The following HPSE2 variants were observed in gnomAD, a reference collection of about 807,000 sequenced individuals.
HPSE2 encodes the protein heparanase 2 (inactive), also known as inactive heparanase-2.
HPSE2 carries 38 observed loss-of-function variants against 60.5 expected under a neutral mutation model. The ratio of observed to expected loss-of-function variants is 0.63; its 90% CI spans 0.48 to 0.82. The LOEUF (loss-of-function observed/expected upper bound fraction) is 0.82. HPSE2 is among the 40% of genes least tolerant of loss of function. The pLI is 0.00. For synonymous variants in HPSE2, 295 were observed against 293.2 expected (o/e 1.01, Z -0.06); for missense variants, 713 against 740.4 (o/e 0.96, Z 0.43).
At chr10:99,011,287 A>G (rs545765014) in intron 3 of HPSE2, among the ~76,000 whole-genome samples, 1 of 152,324 alleles carries the variant, frequency 6.6e-6, no homozygotes, top group Admixed American at 6.5e-5. Flanking sequence ...ATCTAGATTT[A>G]GATATTGAGT....
intron 5 of HPSE2, among the ~76,000 whole-genome samples, chr10:98,704,978 C>G (rs534468926): frequency 1.3e-5 from 2 of 152,200 alleles, no homozygotes; most frequent in African/African-American, 4.8e-5. Flanking sequence ...AGGCAACATA[C>G]AGAATGGGAG....
upstream of HPSE2, chr10:99,235,954 GCTCT>G (rs959700530): frequency 1.1e-3 from 597 of 542,178 alleles, 2 homozygotes; most frequent in African/African-American, 1.9e-3. Flanking sequence ...TCTCTCTCCC[GCTCT>G]CTCTCTCTCT....
chr10:99,259,304 C>G, the HPSE2 span, among the ~76,000 whole-genome samples: 1,670 of 67,616 alleles, frequency 0.025, 24 homozygotes, highest in Non-Finnish European at 0.043. Context: ...AAAACCCCCC[C>G]CACCAAAAAA....
At chr10:98,500,503 C>A (rs1301740158) in intron 9 of HPSE2, among the ~76,000 whole-genome samples, 2 of 152,008 alleles carry the variant, frequency 1.3e-5, no homozygotes, top group African/African-American at 4.8e-5. Context: ...ACCTGTCAAA[C>A]CCTCTGGGAT....
At chr10:98,608,866 C>T (rs1282158828) in intron 9 of HPSE2, among the ~76,000 whole-genome samples, 2 of 152,246 alleles carry the variant, frequency 1.3e-5, no homozygotes, top group African/African-American at 2.4e-5. Flanking sequence ...AGGTCACAGG[C>T]TGGTTTGGCT....
chr10:99,116,899 A>G (rs1844715040), intron 3 of HPSE2, among the ~76,000 whole-genome samples: 1 of 152,072 alleles, frequency 6.6e-6, no homozygotes, highest in Non-Finnish European at 1.5e-5. Context: ...ATACCCCCAA[A>G]TATCACCAAA....
At chr10:98,859,273 C>T (rs1952395581) in intron 3 of HPSE2, among the ~76,000 whole-genome samples, 1 of 152,154 alleles carries the variant, frequency 6.6e-6, no homozygotes. Flanking sequence ...TATACACACA[C>T]ATATACACTA....
intron 3 of HPSE2, among the ~76,000 whole-genome samples, chr10:98,899,940 C>T (rs929938199): frequency 1.6e-4 from 24 of 151,910 alleles, no homozygotes; most frequent in African/African-American, 3.1e-4. Flanking sequence ...TGCATCACCA[C>T]GCCCAGCTAA....
intron 3 of HPSE2, among the ~76,000 whole-genome samples, chr10:99,072,927 C>CAAAAAAAAAAAAAAA (rs770699941): frequency 4.5e-5 from 4 of 88,058 alleles, no homozygotes; most frequent in African/African-American, 1.3e-4. Context: ...GGCTCCGTCT[C>CAAAAAAAAAAAAAAA]AAAAAAAAAA....
At chr10:98,949,806 A>C (rs892202668) in intron 3 of HPSE2, among the ~76,000 whole-genome samples, 1 of 152,172 alleles carries the variant, frequency 6.6e-6, no homozygotes. Flanking sequence ...GCCTGGAAGC[A>C]CATGTGTTTT....
chr10:98,990,462 T>A (rs1956495837), intron 3 of HPSE2, among the ~76,000 whole-genome samples: 1 of 152,132 alleles, frequency 6.6e-6, no homozygotes, highest in Non-Finnish European at 1.5e-5. Context: ...CGCCAAGTGA[T>A]GGGGAGTGGC....
intron 3 of HPSE2, among the ~76,000 whole-genome samples, chr10:99,016,909 ATCT>A (rs1957156440): frequency 6.6e-6 from 1 of 152,130 alleles, no homozygotes; most frequent in Non-Finnish European, 1.5e-5. Context: ...GAAGTTGTTT[ATCT>A]TCTTAAGAAG....
At position 99,099,122 on chromosome 10, in the gene HPSE2, C is replaced by T. The variant is rs199676644; in HGVS notation, c.610+45116G>A. On this transcript the variant is annotated intron_variant, in intron 3 of 11. Coordinates refer to ENST00000370552, the MANE Select transcript of HPSE2 (RefSeq NM_021828.5). ...CAACTGAGGTACTGGGTTCATCTCACTGGGGCTTGTCAGACAGTGGGTGCA... is the reference window on the plus strand; with the variant it reads ...CAACTGAGGTACTGGGTTCATCTCATTGGGGCTTGTCAGACAGTGGGTGCA... Among the ~76,000 whole-genome samples the T allele has an allele frequency of 3.3e-5, 5 of 152,298 alleles. No homozygotes were observed. In the East Asian group the frequency reaches 9.6e-4, roughly 29 times the overall value.
At chr10:99,150,740 C>A (rs1439036928) in intron 2 of HPSE2, among the ~76,000 whole-genome samples, 1 of 152,166 alleles carries the variant, frequency 6.6e-6, no homozygotes, top group Non-Finnish European at 1.5e-5. Flanking sequence ...GGAGCCCCAA[C>A]ATAGGCTAAG....
intron 2 of HPSE2, among the ~76,000 whole-genome samples, chr10:99,172,747 G>A (rs2226145): frequency 0.31 from 47,767 of 151,898 alleles, 8,102 homozygotes; most frequent in African/African-American, 0.43. Flanking sequence ...GTGTGGTGGC[G>A]CATGCTTGTA....
intron 2 of HPSE2, among the ~76,000 whole-genome samples, chr10:99,158,806 C>T (rs946808156): frequency 6.6e-6 from 1 of 151,116 alleles, no homozygotes; most frequent in Non-Finnish European, 1.5e-5. Flanking sequence ...GAGTAATTAA[C>T]TGACTAGTCT....
chr10:98,470,388 G>T (rs765994758), intron 11 of HPSE2, among the ~76,000 whole-genome samples: 3 of 152,118 alleles, frequency 2.0e-5, no homozygotes, highest in Admixed American at 2.0e-4. Flanking sequence ...TAGTCTGCAC[G>T]GGTATTGCTG....
intron 5 of HPSE2, among the ~76,000 whole-genome samples, chr10:98,699,614 T>G (rs1238012325): frequency 7.2e-5 from 9 of 124,494 alleles, no homozygotes; most frequent in Non-Finnish European, 1.2e-4. Flanking sequence ...CCACTCCTAT[T>G]CAACATAGTG....
chr10:99,172,870 T>C (rs569227471), intron 2 of HPSE2, among the ~76,000 whole-genome samples: 3 of 149,820 alleles, frequency 2.0e-5, no homozygotes, highest in African/African-American at 7.2e-5. Context: ...AGTGAAACTC[T>C]GTCTCAAAAA....
Sources: gnomAD v4.1 joint callset for allele counts (sites outside exome capture counted in the v4.1 genomes callset) on GRCh38, gnomAD v4.1.1 for gene constraint, MANE v1.5 for transcripts, NCBI Gene and HGNC (gene_info 2026-07-23, HGNC 2026-07-21) for gene names.